Variants in LEFTY2 observed in about 807,000 individuals in gnomAD.
The protein encoded by LEFTY2 is TGF-beta-4.
A neutral mutation model predicts 26.4 loss-of-function variants in LEFTY2; 10 were observed. The ratio of observed to expected loss-of-function variants is 0.38; its 90% CI spans 0.23 to 0.64. LEFTY2 has a LOEUF of 0.64. LEFTY2 is among the 30% of genes least tolerant of loss of function. The pLI is 0.56. For synonymous variants in LEFTY2, 204 were observed against 234.1 expected (o/e 0.87, Z 1.17); for missense variants, 407 against 502.1 (o/e 0.81, Z 1.81).
In LEFTY2 at chr1:225,937,323, G is replaced by A; in HGVS notation, c.*118C>T. On this transcript the variant is annotated 3_prime_UTR_variant, in exon 4 of 4. Coordinates refer to ENST00000366820, the MANE Select transcript of LEFTY2 (RefSeq NM_003240.5). ...GGAAATGGAAGGACACAGGGCGAAG[G>A]TCACACAGGAGCACTAAATTGGGAT... 1 of 1,534,860 alleles carries A rather than the reference G, an allele frequency of 6.5e-7. No individual in the cohort carries two copies. Among genetic ancestry groups the A allele is most frequent in the South Asian group, 1.1e-5 (1 of 88,886 alleles).
Position 225,940,925 on chromosome 1 carries a change from G to T in LEFTY2, c.216C>A (p.Arg72=), listed in dbSNP as rs562376865. 6.2e-7 allele frequency: 1 copy of T among 1,613,612 alleles called. No individual in the cohort carries two copies. The highest frequency in any genetic ancestry group is 1.3e-5 in the African/African-American group (1 of 75,026). The change falls in exon 1 of 4, where the codon CGC becomes CGA. Residue 72 remains arginine, a synonymous_variant. Transcript: ENST00000366820. The part of the protein sequence containing the change: ...VVLLRRSHGD[R]SRGKRFSQSF... The stretch of plus-strand genomic sequence containing the variant: ...TCTGGCTGAACCTCTTTCCGCGGGA[G>T]CGGTCCCCGTGGCTGCGCCGCAGCA...
chr1:225,938,430 G>A (rs921074315), intron 3 of LEFTY2, among the ~76,000 whole-genome samples: 1 of 152,218 alleles, frequency 6.6e-6, no homozygotes, highest in South Asian at 2.1e-4. Flanking sequence ...GATTGTCAAA[G>A]ATATTTTTAA....
At position 225,937,051 on chromosome 1, in the gene LEFTY2, T is replaced by G; in HGVS notation, c.*390A>C. The G allele has an allele frequency of 3.2e-6, 1 of 317,050 alleles. No individual in the cohort carries two copies. The highest frequency in any genetic ancestry group is 6.0e-6 in the Non-Finnish European group (1 of 166,206). The allele number at this position is 317,050 out of a possible 1,614,324, so 19.6% of individuals were successfully genotyped here. A position where few individuals can be genotyped will look rare whatever the true frequency, so the allele number is the denominator to read the frequency against. Reference sequence around the variant, plus strand: ...GTCAGTATTTGGGGGAAATAGAGATTTGAAGGTTTTAATTCCTCATATAAC... The same window carrying G: ...GTCAGTATTTGGGGGAAATAGAGATGTGAAGGTTTTAATTCCTCATATAAC... On this transcript the variant is annotated 3_prime_UTR_variant, in exon 4 of 4. Transcript: ENST00000366820.
rs768253651 is a variant in LEFTY2 at position 225,939,640 on chromosome 1, T to G, written c.498-40A>C. Reference sequence around the variant, plus strand: ...ACACGACACGGAGACCCAGCGCCGCTTGAGGGCGGGGACTGGGACGGGCCC... The same window carrying G: ...ACACGACACGGAGACCCAGCGCCGCGTGAGGGCGGGGACTGGGACGGGCCC... On this transcript the variant is annotated intron_variant, in intron 2 of 3. Transcript: ENST00000366820. The surrounding 1 kb of genome is among the most constrained non-coding windows in gnomAD (Gnocchi z 4.1). 2 of 1,612,046 alleles carry G rather than the reference T, an allele frequency of 1.2e-6. No individual in the cohort carries two copies. Among genetic ancestry groups the G allele is most frequent in the Admixed American group, 3.3e-5 (2 of 60,008 alleles).
Position 225,937,009 on chromosome 1 carries a change from AC to A in LEFTY2, c.*431del, listed in dbSNP as rs1387496109. 3 of 249,358 alleles carry A rather than the reference AC, an allele frequency of 1.2e-5. No individual in the cohort carries two copies. The highest frequency in any genetic ancestry group is 2.4e-5 in the Non-Finnish European group (3 of 126,758). 15.4% of individuals were successfully genotyped at this position (249,358 alleles called of 1,614,324 possible). A position where few individuals can be genotyped will look rare whatever the true frequency, so the allele number is the denominator to read the frequency against. On this transcript the variant is annotated 3_prime_UTR_variant, in exon 4 of 4. Coordinates refer to ENST00000366820, the MANE Select transcript of LEFTY2 (RefSeq NM_003240.5). ...GGGGAACAGGGGCCTAGGTATGTTT[AC>A]AAAAGTCCAGAATGGGTCAGTATTT...
At chr1:225,938,602 C>T (rs949806620) in intron 3 of LEFTY2, among the ~76,000 whole-genome samples, 22 of 152,084 alleles carry the variant, frequency 1.4e-4, no homozygotes, top group Admixed American at 1.3e-3. Flanking sequence ...GACCCGCTGG[C>T]CTCCACTCCC....
At chr1:225,940,410 C>T (rs1672292049) in intron 1 of LEFTY2, among the ~76,000 whole-genome samples, 1 of 152,254 alleles carries the variant, frequency 6.6e-6, no homozygotes, top group African/African-American at 2.4e-5. Context: ...CTTCTATCCA[C>T]AAGGACTCAC....
rs1482587615 is a variant in LEFTY2, at chr1:225,939,989, C to T, written c.264G>A (p.Arg88=). The change falls in exon 2 of 4, where the codon AGG becomes AGA. Residue 88 remains arginine (R), a synonymous_variant. Coordinates refer to ENST00000366820, the MANE Select transcript of LEFTY2 (RefSeq NM_003240.5). The surrounding 1 kb of genome is among the most constrained non-coding windows in gnomAD (Gnocchi z 4.1). Reference sequence around the variant, plus strand: ...GTGTGCTGGCCTCCGACGCCAGGAACCTGCCGGCCACCTCTGGGGACAAGA... The same window carrying T: ...GTGTGCTGGCCTCCGACGCCAGGAATCTGCCGGCCACCTCTGGGGACAAGA... ...FSQSFREVAG[R]FLASEASTHL... 3 of 1,595,828 alleles carry T rather than the reference C, an allele frequency of 1.9e-6. No homozygotes were observed. The highest frequency in any genetic ancestry group is 1.3e-5 in the African/African-American group (1 of 74,998).
chr1:225,938,695 T>TA (rs1558069955), intron 3 of LEFTY2, among the ~76,000 whole-genome samples: 2 of 151,776 alleles, frequency 1.3e-5, no homozygotes, highest in East Asian at 3.9e-4. Context: ...TTTTTTTTTT[T>TA]ATTTATTTTT....
rs141642787 is a variant in LEFTY2 at position 225,937,579 on chromosome 1, A to C, written c.963T>G (p.Thr321=). Residue 321 remains threonine, a synonymous_variant, in exon 4 of 4, where the codon ACT becomes ACG. Coordinates refer to ENST00000366820, the MANE Select transcript of LEFTY2 (RefSeq NM_003240.5). Reference sequence around the variant, plus strand: ...TGCTGACGATCATGGGCAGCGAGGCAGTCTCCGAGGCGATACACTGTCGCG... The same window carrying C: ...TGCTGACGATCATGGGCAGCGAGGCCGTCTCCGAGGCGATACACTGTCGCG... ...LGPRQCIASE[T]ASLPMIVSIK... The C allele has an allele frequency of 6.2e-7, 1 of 1,614,082 alleles. No individual in the cohort carries two copies. Among genetic ancestry groups the C allele is most frequent in the Non-Finnish European group, 8.5e-7 (1 of 1,180,046 alleles).
chr1:225,939,581 T>A lies in LEFTY2; in HGVS notation c.517A>T (p.Ser173Cys). The change falls in exon 3 of 4, where the codon AGC (serine) becomes TGC (cysteine). Residue 173 changes from serine (S) to cysteine (C), a missense_variant. Transcript: ENST00000366820. The surrounding 1 kb of genome is among the most constrained non-coding windows in gnomAD (Gnocchi z 4.1). ...IDSRLVSVHE[S>C]GWKAFDVTEA... ...GTCACGTCGAAGGCCTTCCAGCCGC[T>A]CTCGTGGACGGACACCAGCCTGAGA... 1 of 1,612,308 alleles carries A rather than the reference T, an allele frequency of 6.2e-7. No individual in the cohort carries two copies. Among genetic ancestry groups the A allele is most frequent in the East Asian group, 2.2e-5 (1 of 44,834 alleles).
Position 225,939,435 on chromosome 1 carries a change from A to T in LEFTY2, c.663T>A (p.Phe221Leu), listed in dbSNP as rs2102682738. 1 of 1,611,394 alleles carries T rather than the reference A, an allele frequency of 6.2e-7. No individual in the cohort carries two copies. The highest frequency in any genetic ancestry group is 1.1e-5 in the South Asian group (1 of 90,878). ...LASGAHKLVR[F>L]ASQGAPAGLG... is the part of the protein sequence containing the mutation. ...GCCCGGCTGGCGCCCCCTGCGAGGC[A>T]AAGCGGACCAGCTTGTGGGCGCCGG... is the stretch of plus-strand genomic sequence containing the variant. The change falls in exon 3 of 4, where the codon TTT becomes TTA. Residue 221 changes from phenylalanine (F) to leucine (L), a missense_variant. Coordinates refer to ENST00000366820, the MANE Select transcript of LEFTY2 (RefSeq NM_003240.5). The surrounding 1 kb of genome is among the most constrained non-coding windows in gnomAD (Gnocchi z 4.1).
At chr1:225,938,992 C>T (rs1396863706) in intron 3 of LEFTY2, among the ~76,000 whole-genome samples, 1 of 151,530 alleles carries the variant, frequency 6.6e-6, no homozygotes, top group African/African-American at 2.4e-5. Flanking sequence ...CTGCCTCAGC[C>T]TCCTGAGTAG....
intron 3 of LEFTY2, 87 bp from the exon 4 acceptor site, chr1:225,937,891 G>A (rs1375398354): frequency 1.5e-5 from 23 of 1,491,852 alleles, no homozygotes; most frequent in Non-Finnish European, 1.9e-5. Context: ...GCACCTGGGA[G>A]GGAGGTTTAT....
Position 225,937,234 on chromosome 1 carries a change from C to T in LEFTY2, c.*207G>A. On this transcript the variant is annotated 3_prime_UTR_variant, in exon 4 of 4. Coordinates refer to ENST00000366820, the MANE Select transcript of LEFTY2 (RefSeq NM_003240.5). ...CATGCCAGCATTTCCTACTAGAGCT[C>T]AGCATCTGAGCTGCATTATTTACTC... 1 of 693,306 alleles carries T rather than the reference C, an allele frequency of 1.4e-6. No individual in the cohort carries two copies. Among genetic ancestry groups the T allele is most frequent in the African/African-American group, 1.8e-5 (1 of 55,942 alleles). 42.9% of individuals were successfully genotyped at this position (693,306 alleles called of 1,614,324 possible). A position where few individuals can be genotyped will look rare whatever the true frequency, so the allele number is the denominator to read the frequency against.
chr1:225,941,202 G>A lies in LEFTY2; in HGVS notation c.-62C>T, dbSNP rs559715148. 895 of 1,433,410 alleles carry A rather than the reference G, an allele frequency of 6.2e-4. 10 individuals are homozygous for A. The African/African-American group carries it at 0.012, about 19-fold the overall frequency. 88.8% of individuals were successfully genotyped at this position (1,433,410 alleles called of 1,614,324 possible). ...TGTCCTCTAGGGAGGTTGAAGGAGG[G>A]TCTCAGGCAGCTGGGTGTGCTGAGA... On this transcript the variant is annotated 5_prime_UTR_variant, in exon 1 of 4. Transcript: ENST00000366820.
rs1195590424 is a variant in LEFTY2, at chr1:225,937,529, G to A, written c.1013C>T (p.Pro338Leu). ...VSIKEGGRTR[P>L]QVVSLPNMRV... The stretch of plus-strand genomic sequence containing the variant: ...CATGTTGGGCAGGCTGACCACCTGG[G>A]GCCTGGTCCTGCCTCCCTCCTTGAT... Residue 338 changes from proline (P) to leucine (L), a missense_variant, in exon 4 of 4, where the codon CCC (proline) becomes CTC (leucine). Transcript: ENST00000366820. The A allele has an allele frequency of 6.2e-7, 1 of 1,613,850 alleles. No homozygotes were observed. The highest frequency in any genetic ancestry group is 1.3e-5 in the African/African-American group (1 of 74,886).
In LEFTY2 at chr1:225,937,591, GAT is replaced by G; in HGVS notation, c.949_950del (p.Ile317ArgfsTer57). 1 of 1,614,108 alleles carries G rather than the reference GAT, an allele frequency of 6.2e-7. No individual in the cohort carries two copies. Among genetic ancestry groups the G allele is most frequent in the Non-Finnish European group, 8.5e-7 (1 of 1,180,044 alleles). On this transcript the variant is annotated frameshift_variant, in exon 4 of 4. Transcript: ENST00000366820. LOFTEE classifies it high-confidence loss of function. ...NWPFLGPRQC[I>X]ASETASLPMI... Reference sequence around the variant, plus strand: ...TGGGCAGCGAGGCAGTCTCCGAGGCGATACACTGTCGCGGCCCCAGAAATGGC... The same window carrying G: ...TGGGCAGCGAGGCAGTCTCCGAGGCGACACTGTCGCGGCCCCAGAAATGGC...
chr1:225,938,764 A>C (rs1240558376), intron 3 of LEFTY2, among the ~76,000 whole-genome samples: 1 of 151,754 alleles, frequency 6.6e-6, no homozygotes, highest in East Asian at 1.9e-4. Context: ...GCTTTAAGCA[A>C]TCCTCCACCT....
Sources: gnomAD v4.1 joint callset for allele counts (sites outside exome capture counted in the v4.1 genomes callset) on GRCh38, gnomAD v4.1.1 for gene constraint, Gnocchi (gnomAD v3.1) non-coding constraint, MANE v1.5 for transcripts, NCBI Gene and HGNC (gene_info 2026-07-23, HGNC 2026-07-21) for gene names.